The following LRTM1 variants were observed in gnomAD, a reference collection of about 807,000 sequenced individuals.
LRTM1 encodes leucine rich repeat transmembrane protein 1, also known as leucine-rich repeat and transmembrane domain-containing protein 1.
LRTM1 carries 38 observed loss-of-function variants against 32.4 expected under a neutral mutation model. The ratio of observed to expected loss-of-function variants is 1.17; its 90% CI spans 0.91 to 1.54. The LOEUF is 1.54. Ranked by LOEUF, LRTM1 falls within the 40% of genes most tolerant of loss-of-function variation. LRTM1 has a pLI of 0.00. For missense variants in LRTM1, 466 were observed against 415.4 expected, an observed-to-expected ratio of 1.12 and a Z score of -1.06; for synonymous variants, 186 against 169.9, an observed-to-expected ratio of 1.09 and a Z score of -0.74.
intron 1 of LRTM1, among the ~76,000 whole-genome samples, chr3:54,953,736 G>A (rs1257315540): frequency 6.6e-6 from 1 of 152,148 alleles, no homozygotes; most frequent in African/African-American, 2.4e-5. Context: ...GCAACCTCGG[G>A]CTCCTGCCTC....
At chr3:54,950,437 G>C (rs983086616) in intron 1 of LRTM1, among the ~76,000 whole-genome samples, 5 of 152,146 alleles carry the variant, frequency 3.3e-5, no homozygotes, top group African/African-American at 1.2e-4. Context: ...CTGTGAAATT[G>C]CAGTGTTCCT....
chr3:54,923,009 C>G (rs1315655724), intron 2 of LRTM1, among the ~76,000 whole-genome samples: 1 of 152,200 alleles, frequency 6.6e-6, no homozygotes, highest in Non-Finnish European at 1.5e-5. Flanking sequence ...TGTCTCACCA[C>G]CCTGGTTTGG....
At chr3:54,966,086 C>G (rs1197230526) in intron 1 of LRTM1, among the ~76,000 whole-genome samples, 1 of 152,046 alleles carries the variant, frequency 6.6e-6, no homozygotes, top group South Asian at 2.1e-4. Flanking sequence ...CGGGGAGCAG[C>G]TGGCTTCATC....
chr3:54,961,417 T>C (rs1486807380), intron 1 of LRTM1, among the ~76,000 whole-genome samples: 5 of 152,206 alleles, frequency 3.3e-5, no homozygotes, highest in African/African-American at 1.2e-4. Context: ...TAGCAGGTAA[T>C]TTATTTATTA....
At chr3:54,957,553 G>A (rs906046014) in intron 1 of LRTM1, among the ~76,000 whole-genome samples, 4 of 152,202 alleles carry the variant, frequency 2.6e-5, no homozygotes, top group Non-Finnish European at 5.9e-5. Context: ...GCCAAAGCAT[G>A]TTCAAACTTA....
intron 1 of LRTM1, among the ~76,000 whole-genome samples, chr3:54,964,149 C>A (rs1326482063): frequency 1.3e-5 from 2 of 152,038 alleles, no homozygotes; most frequent in Non-Finnish European, 2.9e-5. Flanking sequence ...CTAGGAGGCT[C>A]ACCCCATATT....
chr3:54,932,139 A>G (rs897463803), upstream of LRTM1, among the ~76,000 whole-genome samples: 4 of 152,190 alleles, frequency 2.6e-5, no homozygotes, highest in African/African-American at 9.7e-5. Flanking sequence ...AGATCACGCC[A>G]CTACACAGCA....
chr3:54,929,675 T>C (rs1346822345), upstream of LRTM1, among the ~76,000 whole-genome samples: 1 of 152,172 alleles, frequency 6.6e-6, no homozygotes, highest in Non-Finnish European at 1.5e-5. Flanking sequence ...AAAAGTCAGG[T>C]GTAGGTGACA....
chr3:54,942,202 A>C (rs2106987617), intron 1 of LRTM1, among the ~76,000 whole-genome samples: 1 of 152,326 alleles, frequency 6.6e-6, no homozygotes, highest in Middle Eastern at 3.4e-3. Context: ...ATCTCTGCCC[A>C]GGTGTGTCAG....
At chr3:54,957,615 C>T (rs1380831769) in intron 1 of LRTM1, among the ~76,000 whole-genome samples, 2 of 152,034 alleles carry the variant, frequency 1.3e-5, no homozygotes, top group African/African-American at 4.8e-5. Context: ...TAGGGAGGGC[C>T]GGTGGGGAAG....
chr3:54,921,896 G>T (rs1347199985), intron 2 of LRTM1, among the ~76,000 whole-genome samples: 1 of 148,768 alleles, frequency 6.7e-6, no homozygotes, highest in Non-Finnish European at 1.5e-5. Flanking sequence ...TGTAGTGTTT[G>T]CATTTGTTTA....
intron 1 of LRTM1, among the ~76,000 whole-genome samples, chr3:54,934,051 A>T (rs561862712): frequency 7.9e-5 from 12 of 152,300 alleles, no homozygotes; most frequent in Admixed American, 2.0e-4. Context: ...GATAACAGGC[A>T]TGAGCCATTG....
At chr3:54,964,807 G>A (rs1379360312) in intron 1 of LRTM1, among the ~76,000 whole-genome samples, 1 of 151,112 alleles carries the variant, frequency 6.6e-6, no homozygotes, top group Admixed American at 6.6e-5. Flanking sequence ...TTGGGGGAGA[G>A]GGTTATTCTT....
At chr3:54,930,446 CT>C (rs1341414152), upstream of LRTM1, among the ~76,000 whole-genome samples, 1 of 152,190 alleles carries the variant, frequency 6.6e-6, no homozygotes, top group African/African-American at 2.4e-5. Context: ...TTAAATACCT[CT>C]TTAGGTTATA....
rs1258186836 is a variant in LRTM1, at chr3:54,924,884, C to T, written c.339G>A (p.Leu113=). The T allele has an allele frequency of 6.8e-6, 11 of 1,613,490 alleles. No homozygotes were observed. The highest frequency in any genetic ancestry group is 9.3e-6 in the Non-Finnish European group (11 of 1,179,690). ...LNLTQNSLLS[L]ESRLFHSLPQ... is the part of the protein sequence containing the mutation. ...GGAGGGAATGGAAAAGTCTGCTTTC[C>T]AGGGAAAGGAGTGAATTCTGGGTTA... The change falls in exon 2 of 3, where the codon CTG becomes CTA. Residue 113 remains leucine (L), a synonymous_variant. Transcript: ENST00000273286.
intron 1 of LRTM1, among the ~76,000 whole-genome samples, chr3:54,941,097 G>A (rs1457492704): frequency 2.0e-5 from 3 of 152,160 alleles, no homozygotes; most frequent in Non-Finnish European, 2.9e-5. Flanking sequence ...TCCATGGTAC[G>A]AGTAATGCCG....
chr3:54,929,248 G>T (rs1701118465), upstream of LRTM1, among the ~76,000 whole-genome samples: 2 of 152,124 alleles, frequency 1.3e-5, no homozygotes, highest in South Asian at 4.1e-4. Flanking sequence ...CTGTGCCCAG[G>T]ATTAAATATG....
intron 1 of LRTM1, among the ~76,000 whole-genome samples, chr3:54,925,713 G>A (rs1370596499): frequency 1.3e-5 from 2 of 152,254 alleles, no homozygotes; most frequent in African/African-American, 2.4e-5. Flanking sequence ...CAATAGCCAT[G>A]TGTGGCTACC....
chr3:54,929,351 G>T (rs1200259083), upstream of LRTM1, among the ~76,000 whole-genome samples: 2 of 152,202 alleles, frequency 1.3e-5, no homozygotes, highest in Non-Finnish European at 2.9e-5. Context: ...AACTTCTGAG[G>T]ACAACCTGGA....
Sources: allele counts gnomAD v4.1 joint callset (sites outside exome capture counted in the v4.1 genomes callset), GRCh38; gene constraint gnomAD v4.1.1; transcripts MANE v1.5; gene names NCBI Gene and HGNC (gene_info 2026-07-23, HGNC 2026-07-21).